Variants in DNAAF19 observed in about 807,000 individuals in gnomAD.
DNAAF19 encodes coiled-coil domain containing 103.
chr17:44,904,919 C>A, the DNAAF19 span: 4 of 1,550,598 alleles, frequency 2.6e-6, no homozygotes, highest in East Asian at 9.8e-5. Flanking sequence ...ATCTCATGGG[C>A]ACTACCCAGC....
At chr17:44,904,585 C>T in the DNAAF19 span, 16 of 1,550,448 alleles carry the variant, frequency 1.0e-5, no homozygotes, top group South Asian at 2.4e-5. Flanking sequence ...TCCGGGAGGG[C>T]GTGCTGGCCA....
the DNAAF19 span, chr17:44,901,472 C>T: frequency 6.2e-7 from 1 of 1,608,098 alleles, no homozygotes; most frequent in South Asian, 1.1e-5. Flanking sequence ...CTCACACCCA[C>T]AGACACAGCA....
chr17:44,903,463 C>T, the DNAAF19 span: 1 of 1,267,340 alleles, frequency 7.9e-7, no homozygotes, highest in Non-Finnish European at 9.9e-7. Flanking sequence ...AGGGCAGGGC[C>T]TGGAGCACTG....
At chr17:44,903,076 T>TGCCA in the DNAAF19 span, 1 of 1,358,130 alleles carries the variant, frequency 7.4e-7, no homozygotes, top group Non-Finnish European at 9.4e-7. Flanking sequence ...CCTTAGAGTC[T>TGCCA]GCCAAGCCTC....
At chr17:44,901,649 C>T in the DNAAF19 span, 1 of 1,614,110 alleles carries the variant, frequency 6.2e-7, no homozygotes, top group Non-Finnish European at 8.5e-7. Context: ...CTGAAATCTC[C>T]CCGGTAGGTG....
At chr17:44,902,894 AC>A in the DNAAF19 span, 1 of 1,440,968 alleles carries the variant, frequency 6.9e-7, no homozygotes, top group African/African-American at 1.4e-5. Flanking sequence ...GTTCTGCAGG[AC>A]CATAATAAGA....
the DNAAF19 span, chr17:44,902,952 A>G: frequency 7.0e-7 from 1 of 1,433,272 alleles, no homozygotes; most frequent in Non-Finnish European, 9.1e-7. Context: ...CAGAGCAAAA[A>G]CAGGAATCAA....
At chr17:44,904,932 C>G in the DNAAF19 span, 1 of 1,550,652 alleles carries the variant, frequency 6.4e-7, no homozygotes, top group Non-Finnish European at 8.7e-7. Context: ...TACCCAGCCT[C>G]GTTCTCAGAT....
At chr17:44,904,861 T>C in the DNAAF19 span, 1 of 1,550,640 alleles carries the variant, frequency 6.4e-7, no homozygotes, top group South Asian at 1.2e-5. Flanking sequence ...GCATCTACTA[T>C]TGCTGGAGGC....
chr17:44,903,368 G>A, the DNAAF19 span: 1 of 1,249,494 alleles, frequency 8.0e-7, no homozygotes, highest in Non-Finnish European at 1.0e-6. Flanking sequence ...CTCAGGTCCA[G>A]CCAGCCTCCC....
chr17:44,903,280 A>G, the DNAAF19 span: 1 of 1,248,164 alleles, frequency 8.0e-7, no homozygotes, highest in Non-Finnish European at 1.0e-6. Context: ...CAAATACTAC[A>G]TCATTTGAGG....
chr17:44,903,577 G>A, the DNAAF19 span: 2 of 1,394,434 alleles, frequency 1.4e-6, no homozygotes, highest in Non-Finnish European at 1.8e-6. Flanking sequence ...GGGGAGTAAA[G>A]GCCAGGTTCT....
the DNAAF19 span, among the ~76,000 whole-genome samples, chr17:44,901,338 A>G: frequency 6.6e-6 from 1 of 152,274 alleles, no homozygotes; most frequent in Non-Finnish European, 1.5e-5. Flanking sequence ...GTTCTTGCAC[A>G]TAAGACTGAG....
At chr17:44,902,892 G>A in the DNAAF19 span, 1 of 1,442,838 alleles carries the variant, frequency 6.9e-7, no homozygotes, top group Non-Finnish European at 9.1e-7. Context: ...GGGTTCTGCA[G>A]GACCATAATA....
At chr17:44,901,766 T>C in the DNAAF19 span, 1 of 1,221,192 alleles carries the variant, frequency 8.2e-7, no homozygotes, top group Non-Finnish European at 1.1e-6. Flanking sequence ...ATACCTCTTC[T>C]TTATTTGTCA....
the DNAAF19 span, chr17:44,904,632 G>A: frequency 1.3e-6 from 2 of 1,550,574 alleles, no homozygotes; most frequent in Non-Finnish European, 1.7e-6. Flanking sequence ...AGCCGGCCCT[G>A]GGTGCCCCAG....
the DNAAF19 span, chr17:44,902,805 C>T: frequency 1.3e-6 from 2 of 1,552,990 alleles, no homozygotes; most frequent in East Asian, 2.4e-5. Flanking sequence ...TGGAGCTGTA[C>T]CAGGTTGACT....
the DNAAF19 span, chr17:44,904,932 C>T: frequency 3.0e-5 from 46 of 1,550,534 alleles, no homozygotes; most frequent in Admixed American, 6.7e-4. Context: ...TACCCAGCCT[C>T]GTTCTCAGAT....
chr17:44,902,821 G>C, the DNAAF19 span: 2 of 1,533,260 alleles, frequency 1.3e-6, no homozygotes, highest in Non-Finnish European at 1.8e-6. Flanking sequence ...TGACTGATGC[G>C]GCAAGCTACC....
Sources: gnomAD v4.1 joint callset for allele counts (sites outside exome capture counted in the v4.1 genomes callset) on GRCh38, gnomAD v4.1.1 for gene constraint, MANE v1.5 for transcripts, NCBI Gene and HGNC (gene_info 2026-07-23, HGNC 2026-07-21) for gene names.